The following NOX3 variants were observed in gnomAD, a reference collection of about 807,000 sequenced individuals.
NOX3 encodes NADPH oxidase 3.
NOX3 carries 74 observed loss-of-function variants against 76.7 expected under a neutral mutation model. That is an observed-to-expected ratio of 0.96 (90% confidence interval 0.80 to 1.17). The LOEUF (loss-of-function observed/expected upper bound fraction) is 1.17, where lower values mean the gene tolerates loss of function less well. Ranked by LOEUF, NOX3 falls within the 50% of genes most tolerant of loss-of-function variation. NOX3 has a pLI of 0.00. For synonymous variants in NOX3, 263 were observed against 261.1 expected, an observed-to-expected ratio of 1.01 and a Z score of -0.07; for missense variants, 695 against 703.3, an observed-to-expected ratio of 0.99 and a Z score of 0.13.
Position 155,429,002 on chromosome 6 carries a change from G to T in NOX3, c.937C>A (p.Arg313Ser), listed in dbSNP as rs199928709. ...SGVLELHMKK[R>S]GFKMAPGQYI... ...TGCCCTGGCGCCATTTTAAAGCCACGCTTTTTCATGTGAAGTTCCAGGACT... is the reference window on the plus strand; with the variant it reads ...TGCCCTGGCGCCATTTTAAAGCCACTCTTTTTCATGTGAAGTTCCAGGACT... The change falls in exon 9 of 14, where the codon CGT becomes AGT. Residue 313 changes from arginine to serine, a missense_variant. Coordinates refer to ENST00000159060, the MANE Select transcript of NOX3 (RefSeq NM_015718.3). The T allele has an allele frequency of 7.4e-6, 12 of 1,610,878 alleles. No homozygotes were observed. Among genetic ancestry groups the T allele is most frequent in the South Asian group, 3.3e-5 (3 of 90,684 alleles).
At chr6:155,415,171 C>G (rs528578823) in intron 10 of NOX3, among the ~76,000 whole-genome samples, 45 of 152,320 alleles carry the variant, frequency 3.0e-4, no homozygotes, top group African/African-American at 1.1e-3. Context: ...CAAGCCAAGG[C>G]TTCTCTTTAA....
intron 5 of NOX3, among the ~76,000 whole-genome samples, chr6:155,442,065 C>A (rs575780466): frequency 6.6e-6 from 1 of 152,122 alleles, no homozygotes; most frequent in African/African-American, 2.4e-5. Context: ...GCGATCAAGA[C>A]CATCCTGGCT....
In NOX3 at chr6:155,422,806, T is replaced by C. The variant is rs1156890279; in HGVS notation, c.1196A>G (p.Tyr399Cys). 1 of 1,614,138 alleles carries C rather than the reference T, an allele frequency of 6.2e-7. No homozygotes were observed. Among genetic ancestry groups the C allele is most frequent in the East Asian group, 2.2e-5 (1 of 44,884 alleles). The part of the protein sequence containing the change: ...FGTALTDVFH[Y>C]PVCVCVAAGI... ...CGCGGCAACGCACACACACACTGGG[T>C]AGTGAAATACATCTGTCAGGGCAGT... The change falls in exon 10 of 14, where the codon TAC (tyrosine) becomes TGC (cysteine). Residue 399 changes from tyrosine (Y) to cysteine (C), a missense_variant. By Grantham distance (194) the Tyr-to-Cys change is radical (BLOSUM62 -2). Transcript: ENST00000159060.
intron 6 of NOX3, among the ~76,000 whole-genome samples, chr6:155,438,207 G>A (rs1426904718): frequency 2.6e-5 from 4 of 152,052 alleles, no homozygotes; most frequent in African/African-American, 4.8e-5. Flanking sequence ...CCCCGGCGTC[G>A]GGGGCAGAAT....
At chr6:155,420,047 G>T (rs1434641393) in intron 10 of NOX3, among the ~76,000 whole-genome samples, 1 of 151,906 alleles carries the variant, frequency 6.6e-6, no homozygotes, top group African/African-American at 2.4e-5. Flanking sequence ...TATGTATGAA[G>T]ATATCCAGAG....
rs148205428 is a variant in NOX3, at chr6:155,436,718, A to C, written c.669-171T>G. 5.9e-3 allele frequency among the ~76,000 whole-genome samples: 905 copies of C among 152,320 alleles called. 8 individuals are homozygous for C. The highest frequency in any genetic ancestry group is 9.6e-3 in the Non-Finnish European group (650 of 68,022). ...TCCCCCAGCTTCTTTAAAAATAAGC[A>C]TTTAAGAAGCTTCGAGTAACTTTGA... On this transcript the variant is annotated intron_variant, in intron 6 of 13. Coordinates refer to ENST00000159060, the MANE Select transcript of NOX3 (RefSeq NM_015718.3).
intron 6 of NOX3, among the ~76,000 whole-genome samples, chr6:155,438,685 A>C (rs780561348): frequency 6.6e-6 from 1 of 152,202 alleles, no homozygotes; most frequent in African/African-American, 2.4e-5. Flanking sequence ...TGGGCCCTAC[A>C]TGGGACCCAG....
At chr6:155,447,905 A>G (rs1176802822) in intron 4 of NOX3, among the ~76,000 whole-genome samples, 1 of 152,218 alleles carries the variant, frequency 6.6e-6, no homozygotes, top group Non-Finnish European at 1.5e-5. Flanking sequence ...TTCTTTAGAC[A>G]TTGTATTTTC....
intron 1 of NOX3, 38 bp from the exon 2 acceptor site, chr6:155,455,167 T>C (rs1359152111): frequency 3.0e-6 from 4 of 1,314,344 alleles, no homozygotes; most frequent in Non-Finnish European, 4.3e-6. Flanking sequence ...GATTACTACC[T>C]TCAAGCTTTT....
Position 155,442,081 on chromosome 6 carries a change from A to G in NOX3, c.486+1192T>C, listed in dbSNP as rs558483365. 4.1e-3 allele frequency among the ~76,000 whole-genome samples: 618 copies of G among 152,190 alleles called. 3 individuals carry two copies. The highest frequency in any genetic ancestry group is 0.012 in the African/African-American group (491 of 41,524). The stretch of plus-strand genomic sequence containing the variant: ...CGATCAAGACCATCCTGGCTAACAC[A>G]GTGAAACCCCGTCTCTACTAAAAAT... On this transcript the variant is annotated intron_variant, in intron 5 of 13. Coordinates refer to ENST00000159060, the MANE Select transcript of NOX3 (RefSeq NM_015718.3).
chr6:155,415,583 C>T (rs1776613257), intron 10 of NOX3, among the ~76,000 whole-genome samples: 1 of 152,254 alleles, frequency 6.6e-6, no homozygotes, highest in South Asian at 2.1e-4. Flanking sequence ...GGTACAACAG[C>T]TCAGCGTTGT....
Position 155,440,146 on chromosome 6 carries a change from A to C in NOX3, c.487-9T>G. 6.5e-7 allele frequency: 1 copy of C among 1,546,860 alleles called. No individual in the cohort carries two copies. The highest frequency in any genetic ancestry group is 8.7e-7 in the Non-Finnish European group (1 of 1,150,412). ...AATTCAGTGGTTGTGTTCTAAAAAA[A>C]ACAACAACAACAAAAAAAGAAACAA... is the stretch of plus-strand genomic sequence containing the variant. On this transcript the variant is annotated splice_polypyrimidine_tract_variant and intron_variant, in intron 5 of 13. Coordinates refer to ENST00000159060, the MANE Select transcript of NOX3 (RefSeq NM_015718.3).
Position 155,411,372 on chromosome 6 carries a change from G to A in NOX3, c.1309-12C>T. The stretch of plus-strand genomic sequence containing the variant: ...CAGTAGAAATACACCTGTCAAGAGA[G>A]AAGGCAAGTGAACGGATCTATTCTC... On this transcript the variant is annotated splice_polypyrimidine_tract_variant and intron_variant, in intron 10 of 13. Transcript: ENST00000159060. 1 of 1,610,620 alleles carries A rather than the reference G, an allele frequency of 6.2e-7. No homozygotes were observed. Among genetic ancestry groups the A allele is most frequent in the Non-Finnish European group, 8.5e-7 (1 of 1,178,328 alleles).
intron 11 of NOX3, among the ~76,000 whole-genome samples, chr6:155,410,909 G>T (rs1209437359): frequency 6.6e-6 from 1 of 152,180 alleles, no homozygotes; most frequent in East Asian, 1.9e-4. Context: ...ATATTCATTT[G>T]ATGTCACTTT....
intron 10 of NOX3, among the ~76,000 whole-genome samples, chr6:155,417,220 T>TAC (rs962845615): frequency 5.3e-5 from 8 of 152,094 alleles, no homozygotes; most frequent in African/African-American, 1.4e-4. Flanking sequence ...CTCTGCCTTC[T>TAC]ACACACACAC....
At chr6:155,450,223 C>T (rs1777116428) in intron 4 of NOX3, among the ~76,000 whole-genome samples, 1 of 152,156 alleles carries the variant, frequency 6.6e-6, no homozygotes. Flanking sequence ...CCGGAGAGAA[C>T]ACTTGATTGT....
chr6:155,438,098 C>T (rs559398169), intron 6 of NOX3, among the ~76,000 whole-genome samples: 6 of 151,876 alleles, frequency 4.0e-5, no homozygotes, highest in Admixed American at 1.3e-4. Flanking sequence ...ATGTGGGGGA[C>T]GTATGTTTAG....
chr6:155,433,397 A>G (rs1025998652), intron 7 of NOX3, among the ~76,000 whole-genome samples: 14 of 152,330 alleles, frequency 9.2e-5, no homozygotes, highest in African/African-American at 3.4e-4. Context: ...CTTGATTCAG[A>G]GCAAGAGGGC....
At chr6:155,419,394 T>A (rs2294680) in intron 10 of NOX3, among the ~76,000 whole-genome samples, 3 of 152,050 alleles carry the variant, frequency 2.0e-5, no homozygotes, top group Non-Finnish European at 2.9e-5. Flanking sequence ...GTGAACAAGC[T>A]GGGTGACTTT....
Sources: allele counts gnomAD v4.1 joint callset (sites outside exome capture counted in the v4.1 genomes callset), GRCh38; gene constraint gnomAD v4.1.1; transcripts MANE v1.5; gene names NCBI Gene and HGNC (gene_info 2026-07-23, HGNC 2026-07-21).